CTNNA3: variants seen among roughly 807,000 people sequenced by gnomAD.
CTNNA3 encodes the protein catenin alpha-3.
CTNNA3 carries 76 observed loss-of-function variants against 95.7 expected under a neutral mutation model. That is an observed-to-expected ratio of 0.79 (90% CI 0.66 to 0.96). CTNNA3 has a LOEUF of 0.96. CTNNA3 is among the 40% of genes least tolerant of loss of function. The pLI is 0.00. For missense variants in CTNNA3, 1,191 were observed against 1,089.8 expected, an observed-to-expected ratio of 1.09 and a Z score of -1.31; for synonymous variants, 431 against 374.4, an observed-to-expected ratio of 1.15 and a Z score of -1.74.
In CTNNA3 at chr10:65,915,061, C is replaced by T. The variant is rs1215352359; in HGVS notation, c.*5269G>A. 6.6e-6 allele frequency: 1 copy of T among 152,052 alleles called. No individual in the cohort carries two copies. The highest frequency in any genetic ancestry group is 1.5e-5 in the Non-Finnish European group (1 of 68,010). 9.4% of individuals were successfully genotyped at this position (152,052 alleles called of 1,614,324 possible). A position where few individuals can be genotyped will look rare whatever the true frequency, so the allele number is the denominator to read the frequency against. On this transcript the variant is annotated 3_prime_UTR_variant, in exon 18 of 18. Transcript: ENST00000433211. ...AGAGCTGGCACATGAGGGCAAGGAT[C>T]ACTATTTGTTTTGTTATATGGTGTA...
intron 1 of CTNNA3, among the ~76,000 whole-genome samples, chr10:67,676,723 T>C (rs1840541417): frequency 6.6e-6 from 1 of 152,202 alleles, no homozygotes; most frequent in Non-Finnish European, 1.5e-5. Flanking sequence ...TGCTGCACTC[T>C]AGCTGTTGCT....
intron 7 of CTNNA3, among the ~76,000 whole-genome samples, chr10:67,056,069 G>T (rs1313796877): frequency 1.3e-5 from 2 of 152,154 alleles, no homozygotes; most frequent in East Asian, 3.9e-4. Context: ...TGCTTGTAAA[G>T]TATTGGAAAG....
At chr10:66,593,219 T>C (rs1843609031) in intron 10 of CTNNA3, among the ~76,000 whole-genome samples, 1 of 152,164 alleles carries the variant, frequency 6.6e-6, no homozygotes, top group Non-Finnish European at 1.5e-5. Context: ...GTGTTGGTGA[T>C]GGTGGCAGGG....
At chr10:66,618,712 G>T (rs570921750) in intron 10 of CTNNA3, among the ~76,000 whole-genome samples, 3 of 152,014 alleles carry the variant, frequency 2.0e-5, no homozygotes, top group Non-Finnish European at 4.4e-5. Context: ...TGACAAATGG[G>T]ATCTAATTAA....
Position 67,750,229 on chromosome 10 carries a change from A to T in CTNNA3, c.-2+13205T>A, listed in dbSNP as rs563652780. Reference sequence around the variant, plus strand: ...ACCCACTGGAAGGAACCAACTCTGGACACAGCAGGACGTGAGACTTCTAGT... The same window carrying T: ...ACCCACTGGAAGGAACCAACTCTGGTCACAGCAGGACGTGAGACTTCTAGT... On this transcript the variant is annotated intron_variant, in intron 1 of 17. Coordinates refer to the CTNNA3 transcript ENST00000684154. 1.6e-5 allele frequency: 24 copies of T among 1,464,294 alleles called. No individual in the cohort carries two copies. In the South Asian group the frequency reaches 2.4e-4, roughly 15 times the overall value. The allele number at this position is 1,464,294 out of a possible 1,614,324, so 90.7% of individuals were successfully genotyped here. A position where few individuals can be genotyped will look rare whatever the true frequency, so the allele number is the denominator to read the frequency against.
At chr10:66,599,837 C>T (rs1843857852) in intron 10 of CTNNA3, among the ~76,000 whole-genome samples, 1 of 151,964 alleles carries the variant, frequency 6.6e-6, no homozygotes, top group Non-Finnish European at 1.5e-5. Flanking sequence ...ATATCTTCAA[C>T]ATCACCACCA....
intron 7 of CTNNA3, among the ~76,000 whole-genome samples, chr10:66,923,418 A>G (rs1031215200): frequency 6.6e-6 from 1 of 152,176 alleles, no homozygotes; most frequent in Non-Finnish European, 1.5e-5. Context: ...AGATGTCTCA[A>G]TGACTACGTG....
At chr10:66,420,835 A>AAATAAATAAATAAATAAATAAATTAATT (rs751801209) in intron 11 of CTNNA3, among the ~76,000 whole-genome samples, 33 of 93,008 alleles carry the variant, frequency 3.5e-4, no homozygotes, top group Admixed American at 9.6e-4. Context: ...ATAAATAAAT[A>AAATAAATAAATAAATAAATAAATTAATT]AATAAAAAAC....
chr10:66,813,068 A>C (rs1308463880), intron 7 of CTNNA3, among the ~76,000 whole-genome samples: 3 of 152,206 alleles, frequency 2.0e-5, no homozygotes, highest in Non-Finnish European at 4.4e-5. Flanking sequence ...CATAAAGTGC[A>C]GACTGGCTAT....
intron 7 of CTNNA3, among the ~76,000 whole-genome samples, chr10:67,133,366 C>CATACAT (rs145480361): frequency 0.11 from 13,734 of 123,974 alleles, 940 homozygotes; most frequent in African/African-American, 0.16. Flanking sequence ...TACATACATA[C>CATACAT]ATATATATAT....
At chr10:66,348,388 T>A (rs542202682) in intron 12 of CTNNA3, among the ~76,000 whole-genome samples, 1 of 152,238 alleles carries the variant, frequency 6.6e-6, no homozygotes, top group Admixed American at 6.5e-5. Flanking sequence ...AGACTCCATT[T>A]CCTCATCTGT....
intron 3 of CTNNA3, among the ~76,000 whole-genome samples, chr10:67,603,777 G>T (rs1019074450): frequency 6.6e-6 from 1 of 151,936 alleles, no homozygotes; most frequent in African/African-American, 2.4e-5. Context: ...AGTAAGCTAC[G>T]GTTAACTTAT....
At chr10:66,243,058 A>G (rs2090170235) in intron 13 of CTNNA3, among the ~76,000 whole-genome samples, 2 of 152,196 alleles carry the variant, frequency 1.3e-5, no homozygotes, top group South Asian at 4.1e-4. Context: ...AGGAGGGGTC[A>G]GACATATCTC....
chr10:66,309,684 T>TAAAAAAAAAAAAA (rs2091982140), intron 12 of CTNNA3, among the ~76,000 whole-genome samples: 1 of 15,298 alleles, frequency 6.5e-5, no homozygotes, highest in Non-Finnish European at 1.1e-4. Flanking sequence ...AGACTCCGTC[T>TAAAAAAAAAAAAA]CAAAAAAAAA....
chr10:67,146,089 C>T (rs1007805485), intron 7 of CTNNA3, among the ~76,000 whole-genome samples: 1 of 152,084 alleles, frequency 6.6e-6, no homozygotes, highest in African/African-American at 2.4e-5. Flanking sequence ...CACCTCTACC[C>T]CAGCACCCCT....
intron 9 of CTNNA3, among the ~76,000 whole-genome samples, chr10:66,733,298 A>G (rs1849023057): frequency 6.6e-6 from 1 of 152,004 alleles, no homozygotes; most frequent in East Asian, 1.9e-4. Context: ...TTGTAATTAT[A>G]TTGTTTTTTA....
intron 12 of CTNNA3, among the ~76,000 whole-genome samples, chr10:66,296,606 T>C (rs1349785326): frequency 8.2e-6 from 1 of 121,852 alleles, no homozygotes; most frequent in Non-Finnish European, 1.7e-5. Context: ...TCTATATATC[T>C]ATATCTATAC....
intron 13 of CTNNA3, among the ~76,000 whole-genome samples, chr10:66,178,105 T>C (rs991417649): frequency 7.9e-5 from 12 of 151,630 alleles, no homozygotes; most frequent in African/African-American, 2.9e-4. Flanking sequence ...TCTTACCTGA[T>C]TTTGAATCCT....
At chr10:66,195,163 T>C (rs1025962000) in intron 13 of CTNNA3, among the ~76,000 whole-genome samples, 1 of 152,062 alleles carries the variant, frequency 6.6e-6, no homozygotes, top group Admixed American at 6.6e-5. Flanking sequence ...TGCAACTAGA[T>C]ATCACTGGGA....
Sources: allele counts gnomAD v4.1 joint callset (sites outside exome capture counted in the v4.1 genomes callset), GRCh38; gene constraint gnomAD v4.1.1; transcripts MANE v1.5; gene names NCBI Gene and HGNC (gene_info 2026-07-23, HGNC 2026-07-21).